Variants in PCDHGA7 observed in about 807,000 individuals in gnomAD.
PCDHGA7 encodes protocadherin gamma subfamily A, 7.
A neutral mutation model predicts 58.3 loss-of-function variants in PCDHGA7; 44 were observed. That is an observed-to-expected ratio of 0.75 (90% CI 0.59 to 0.97). The LOEUF (loss-of-function observed/expected upper bound fraction) is 0.97. PCDHGA7 is among the 50% of genes least tolerant of loss of function. PCDHGA7 has a pLI of 0.00. For synonymous variants in PCDHGA7, 516 were observed against 504.2 expected (o/e 1.02, Z -0.31); for missense variants, 1,266 against 1,188.7 (o/e 1.06, Z -0.96).
intron 1 of PCDHGA7, chr5:141,408,375 T>C: frequency 6.2e-7 from 1 of 1,613,972 alleles, no homozygotes; most frequent in Non-Finnish European, 8.5e-7. Context: ...GGGCTCAGTG[T>C]CCTGGATGTG....
chr5:141,455,477 C>A (rs557286491), intron 1 of PCDHGA7, among the ~76,000 whole-genome samples: 15 of 152,252 alleles, frequency 9.9e-5, no homozygotes, highest in African/African-American at 2.9e-4. Flanking sequence ...TATGCAGAGG[C>A]TGGTGGAGGT....
chr5:141,484,334 A>G (rs988395353), intron 1 of PCDHGA7, among the ~76,000 whole-genome samples: 3 of 152,192 alleles, frequency 2.0e-5, no homozygotes, highest in East Asian at 1.9e-4. Context: ...CTTGAAATCA[A>G]TGAATGGTAA....
intron 1 of PCDHGA7, chr5:141,427,927 T>C (rs1238523389): frequency 6.3e-7 from 1 of 1,580,112 alleles, no homozygotes; most frequent in Non-Finnish European, 8.7e-7. Context: ...AGCCGGCGCA[T>C]GTTGGTGGGC....
At chr5:141,502,234 C>T (rs1482411915) in intron 2 of PCDHGA7, among the ~76,000 whole-genome samples, 1 of 152,108 alleles carries the variant, frequency 6.6e-6, no homozygotes, top group Non-Finnish European at 1.5e-5. Flanking sequence ...TCTGTGTGTT[C>T]TTTTATCCTT....
intron 1 of PCDHGA7, among the ~76,000 whole-genome samples, chr5:141,402,461 C>A (rs892900332): frequency 1.3e-5 from 2 of 151,994 alleles, no homozygotes; most frequent in East Asian, 3.8e-4. Context: ...GTTTACATAT[C>A]TAGAAATAGA....
Position 141,431,215 on chromosome 5 carries a change from C to T in PCDHGA7, c.2424+45892C>T, listed in dbSNP as rs1225114172. On this transcript the variant is annotated intron_variant, in intron 1 of 3. Transcript: ENST00000518325. The surrounding 1 kb of genome is among the most constrained non-coding windows in gnomAD (Gnocchi z 4.8). ...AAAATGCAGCCACTGAGATGCGGTT[C>T]CCTCTACCCCACGCCTGGGATCCGG... is the stretch of plus-strand genomic sequence containing the variant. 2.5e-6 allele frequency: 4 copies of T among 1,614,066 alleles called. No homozygotes were observed. The highest frequency in any genetic ancestry group is 1.3e-5 in the African/African-American group (1 of 74,942).
chr5:141,500,277 C>T (rs1595660442), intron 2 of PCDHGA7, among the ~76,000 whole-genome samples: 1 of 151,718 alleles, frequency 6.6e-6, no homozygotes, highest in Non-Finnish European at 1.5e-5. Context: ...GGCGCAATCT[C>T]GGCTCACTGC....
In PCDHGA7 at chr5:141,382,912, C is replaced by A. The variant is rs771685139; in HGVS notation, c.13C>A (p.Pro5Thr). MAAQ[P>T]RGGDYRGFFL... ...AAGCAGGACGACTATGGCGGCTCAG[C>A]CGAGGGGCGGGGACTACAGAGGATT... The change falls in exon 1 of 4, where the codon CCG becomes ACG. Residue 5 changes from proline to threonine, a missense_variant. Physicochemically the swap from Pro to Thr is conservative, Grantham distance 38. Coordinates refer to ENST00000518325, the MANE Select transcript of PCDHGA7 (RefSeq NM_018920.4). The A allele has an allele frequency of 6.4e-7, 1 of 1,552,238 alleles. No homozygotes were observed.
chr5:141,467,993 C>A (rs984508296), intron 1 of PCDHGA7, among the ~76,000 whole-genome samples: 1 of 152,058 alleles, frequency 6.6e-6, no homozygotes, highest in Admixed American at 6.6e-5. Context: ...AACCACAATT[C>A]TTTCTTCCTC....
At position 141,432,463 on chromosome 5, in the gene PCDHGA7, C is replaced by T; in HGVS notation, c.2424+47140C>T. ...CCGAGATCCTGTACCCCGCCCTCCC[C>T]ACGGACGGTTCCACTGGCGTGGAGC... On this transcript the variant is annotated intron_variant, in intron 1 of 3. Transcript: ENST00000518325. The surrounding 1 kb of genome is among the most constrained non-coding windows in gnomAD (Gnocchi z 6.0). 6.2e-7 allele frequency: 1 copy of T among 1,614,238 alleles called. No individual in the cohort carries two copies. The highest frequency in any genetic ancestry group is 1.1e-5 in the South Asian group (1 of 91,084).
chr5:141,412,931 T>C (rs1010992022), intron 1 of PCDHGA7: 5 of 453,108 alleles, frequency 1.1e-5, no homozygotes, highest in African/African-American at 2.0e-5. Flanking sequence ...CAGTAACTTC[T>C]TAGGACTCTG....
chr5:141,429,698 A>G (rs1436698608), intron 1 of PCDHGA7, among the ~76,000 whole-genome samples: 2 of 152,228 alleles, frequency 1.3e-5, no homozygotes, highest in Admixed American at 6.5e-5. Flanking sequence ...ATATCTTTAC[A>G]GTATAAATAT....
Position 141,485,087 on chromosome 5 carries a change from T to G in PCDHGA7, c.2425-9720T>G. The G allele has an allele frequency of 2.0e-6, 2 of 1,000,176 alleles. No homozygotes were observed. The highest frequency in any genetic ancestry group is 1.5e-6 in the Non-Finnish European group (1 of 651,808). 62.0% of individuals were successfully genotyped at this position (1,000,176 alleles called of 1,614,324 possible). A position where few individuals can be genotyped will look rare whatever the true frequency, so the allele number is the denominator to read the frequency against. The stretch of plus-strand genomic sequence containing the variant: ...CAGAGCTGGCGCGGGGAAAGGGAGA[T>G]AGGTGTCTCCAGCTGCTGTGGCTGT... On this transcript the variant is annotated intron_variant, in intron 1 of 3. Transcript: ENST00000518325. This position sits in a 1 kb window ranked among gnomAD's most constrained non-coding sequence, Gnocchi z 5.7.
rs564439931 is a variant in PCDHGA7 at position 141,490,480 on chromosome 5, C to T, written c.2425-4327C>T. On this transcript the variant is annotated intron_variant, in intron 1 of 3. Coordinates refer to ENST00000518325, the MANE Select transcript of PCDHGA7 (RefSeq NM_018920.4). The surrounding 1 kb of genome is among the most constrained non-coding windows in gnomAD (Gnocchi z 5.4). ...GCTGCTAACCAGCCAGCCTTTGGAC[C>T]GGGAGGCCACATCCCACTATATCAT... The T allele has an allele frequency of 3.5e-5, 56 of 1,614,194 alleles. No individual in the cohort carries two copies. Among genetic ancestry groups the T allele is most frequent in the Admixed American group, 1.5e-4 (9 of 60,022 alleles).
rs374134053 is a variant in PCDHGA7, at chr5:141,389,297, A to T, written c.2424+3974A>T. ...ACCCGCCTGGAGCCTCTATTTCACA[A>T]GTCAGGGCTTCTGATCCGGACTTGG... On this transcript the variant is annotated intron_variant, in intron 1 of 3. Coordinates refer to ENST00000518325, the MANE Select transcript of PCDHGA7 (RefSeq NM_018920.4). 6.2e-6 allele frequency: 10 copies of T among 1,613,860 alleles called. No individual in the cohort carries two copies. In the African/African-American group the frequency reaches 1.3e-4, roughly 22 times the overall value.
Position 141,481,556 on chromosome 5 carries a change from G to A in PCDHGA7, c.2425-13251G>A, listed in dbSNP as rs553126587. Among the ~76,000 whole-genome samples the A allele has an allele frequency of 1.2e-4, 18 of 152,266 alleles. No homozygotes were observed. The South Asian group carries it at 1.4e-3, about 12-fold the overall frequency. On this transcript the variant is annotated intron_variant, in intron 1 of 3. Coordinates refer to ENST00000518325, the MANE Select transcript of PCDHGA7 (RefSeq NM_018920.4). ...GATGGGGCTGGGCTCAGTGGCTCAC[G>A]CCTGTAATCCCAGTACTTAGGGAGG...
At chr5:141,510,238 A>C (rs2099880007) in intron 3 of PCDHGA7, among the ~76,000 whole-genome samples, 1 of 149,340 alleles carries the variant, frequency 6.7e-6, no homozygotes, top group Non-Finnish European at 1.5e-5. Flanking sequence ...GCGCCACTGC[A>C]CTCCAGGCTG....
intron 1 of PCDHGA7, chr5:141,430,780 C>T: frequency 6.6e-7 from 1 of 1,511,476 alleles, no homozygotes; most frequent in Non-Finnish European, 8.8e-7. Flanking sequence ...CGCGACTGCA[C>T]CGGGACTACA....
Position 141,486,791 on chromosome 5 carries a change from C to G in PCDHGA7, c.2425-8016C>G. On this transcript the variant is annotated intron_variant, in intron 1 of 3. Coordinates refer to ENST00000518325, the MANE Select transcript of PCDHGA7 (RefSeq NM_018920.4). The surrounding 1 kb of genome is among the most constrained non-coding windows in gnomAD (Gnocchi z 5.0). ...GCAGTTTGAGGTGCAGGCCCGGGAT[C>G]GGGGCAACCCACCCCTTAGCAGCAC... The G allele has an allele frequency of 1.9e-6, 3 of 1,614,224 alleles. No individual in the cohort carries two copies. The highest frequency in any genetic ancestry group is 2.5e-6 in the Non-Finnish European group (3 of 1,180,046).
Sources: allele counts gnomAD v4.1 joint callset (sites outside exome capture counted in the v4.1 genomes callset), GRCh38; gene constraint gnomAD v4.1.1; non-coding constraint Gnocchi (gnomAD v3.1); transcripts MANE v1.5; gene names NCBI Gene and HGNC (gene_info 2026-07-23, HGNC 2026-07-21).